PCDH15: variants seen among roughly 807,000 people sequenced by gnomAD.
The protein encoded by PCDH15 is protocadherin related 15, also known as protocadherin-15.
Under a neutral mutation model 178.5 loss-of-function variants are expected in PCDH15, and 129 were observed. The observed-to-expected ratio is 0.72, with a 90% CI of 0.63 to 0.84. PCDH15 has a LOEUF of 0.84. Among genes scored for constraint, PCDH15 ranks in the 40% least tolerant of loss-of-function variants. PCDH15 has a pLI of 0.00. For synonymous variants in PCDH15, 800 were observed against 732.0 expected (o/e 1.09, Z -1.50); for missense variants, 2,230 against 2,099.9 (o/e 1.06, Z -1.21).
At chr10:54,947,757 A>G (rs1297221036) in intron 2 of PCDH15, among the ~76,000 whole-genome samples, 1 of 151,978 alleles carries the variant, frequency 6.6e-6, no homozygotes, top group African/African-American at 2.4e-5. Flanking sequence ...TGCTAGGAAC[A>G]TGAGAGTCAT....
rs11004490 is a variant in PCDH15, at chr10:54,720,400, A to G, written c.-28-56110T>C. On this transcript the variant is annotated intron_variant, in intron 1 of 37. Transcript: ENST00000644397. Reference sequence around the variant, plus strand: ...TCAAAGTGGAAAAAAAAATCCTAAAATCAGCAAGAGAGAAGCATCTAATCA... The same window carrying G: ...TCAAAGTGGAAAAAAAAATCCTAAAGTCAGCAAGAGAGAAGCATCTAATCA... Among the ~76,000 whole-genome samples, 1,397 of 152,150 alleles carry G rather than the reference A, an allele frequency of 9.2e-3. 21 individuals are homozygous for G. The highest frequency in any genetic ancestry group is 0.054 in the East Asian group (278 of 5,150).
At chr10:54,895,303 A>C (rs887479050) in intron 3 of PCDH15, among the ~76,000 whole-genome samples, 1 of 152,112 alleles carries the variant, frequency 6.6e-6, no homozygotes, top group African/African-American at 2.4e-5. Flanking sequence ...TCTACAGATC[A>C]TTCCTAGCCT....
Position 54,936,592 on chromosome 10 carries a change from T to G in PCDH15, c.-79-39092A>C, listed in dbSNP as rs545657617. ...CATCACCCTAATGAATGCAAAAATA[T>G]ATATTACTGTGAATTTAATTTTCTC... On this transcript the variant is annotated intron_variant, in intron 2 of 5. Transcript: ENST00000458638. Among the ~76,000 whole-genome samples, 53 of 152,108 alleles carry G rather than the reference T, an allele frequency of 3.5e-4. 1 individual carries two copies. Among genetic ancestry groups the G allele is most frequent in the African/African-American group, 1.2e-3 (49 of 41,562 alleles).
rs373837234 is a variant in PCDH15, at chr10:53,810,572, T to A, written c.4655A>T (p.Glu1552Val). 2.5e-6 allele frequency: 4 copies of A among 1,612,492 alleles called. No homozygotes were observed. Among genetic ancestry groups the A allele is most frequent in the Non-Finnish European group, 3.4e-6 (4 of 1,179,736 alleles). Residue 1552 changes from glutamate (E) to valine (V), a missense_variant, in exon 37 of 38, where the codon GAA becomes GTA. Coordinates refer to ENST00000644397, the MANE Select transcript of PCDH15 (RefSeq NM_001384140.1). ...YGEVVGEAEE[E>V]YEEEEWARKR... The stretch of plus-strand genomic sequence containing the variant: ...AGTAATTACCTCTTCCTCCTCATAT[T>A]CTTCCTCAGCTTCACCAACCACCTC...
At chr10:54,479,401 C>T (rs754598739) in intron 3 of PCDH15, among the ~76,000 whole-genome samples, 22 of 151,874 alleles carry the variant, frequency 1.4e-4, no homozygotes, top group East Asian at 5.8e-4. Flanking sequence ...ATATTGAATA[C>T]GTAATTTAAT....
chr10:54,315,287 A>T (rs1483287027), intron 8 of PCDH15, among the ~76,000 whole-genome samples: 7 of 152,210 alleles, frequency 4.6e-5, no homozygotes, highest in African/African-American at 1.7e-4. Flanking sequence ...TCTAACGATT[A>T]GTGACATTTA....
rs1245040010 is a variant in PCDH15 at position 54,532,908 on chromosome 10, A to G, written c.92-5031T>C. ...ACATGCTAGGTTCATTGGCATGGCTACATGGTACCAGTGTGAGTGAGTGTG... is the reference window on the plus strand; with the variant it reads ...ACATGCTAGGTTCATTGGCATGGCTGCATGGTACCAGTGTGAGTGAGTGTG... On this transcript the variant is annotated intron_variant, in intron 2 of 37. Transcript: ENST00000644397. 2.6e-5 allele frequency among the ~76,000 whole-genome samples: 4 copies of G among 152,044 alleles called. No homozygotes were observed. The East Asian group carries it at 7.8e-4, about 29-fold the overall frequency.
chr10:54,036,657 T>A (rs1213973921), intron 18 of PCDH15, among the ~76,000 whole-genome samples: 1 of 151,876 alleles, frequency 6.6e-6, no homozygotes, highest in African/African-American at 2.4e-5. Context: ...CTGATGGAGA[T>A]GTAAAAGGAC....
intron 15 of PCDH15, among the ~76,000 whole-genome samples, chr10:54,094,372 AG>A (rs2094659003): frequency 6.6e-6 from 1 of 152,200 alleles, no homozygotes; most frequent in Non-Finnish European, 1.5e-5. Flanking sequence ...GAGCAGGGTG[AG>A]GATTTACACT....
intron 14 of PCDH15, among the ~76,000 whole-genome samples, chr10:54,147,400 C>T (rs1018315792): frequency 2.0e-5 from 3 of 151,702 alleles, no homozygotes; most frequent in East Asian, 1.9e-4. Flanking sequence ...TGTTTTCTGG[C>T]GTGGAATACA....
intron 1 of PCDH15, among the ~76,000 whole-genome samples, chr10:54,776,967 GTTTTC>G (rs1219852064): frequency 6.6e-6 from 1 of 152,028 alleles, no homozygotes; most frequent in Non-Finnish European, 1.5e-5. Context: ...TAAAAGAAAT[GTTTTC>G]TTTTATTATG....
intron 2 of PCDH15, among the ~76,000 whole-genome samples, chr10:55,425,307 T>A (rs951419756): frequency 6.6e-6 from 1 of 151,960 alleles, no homozygotes; most frequent in Non-Finnish European, 1.5e-5. Flanking sequence ...TGCTGCAGAA[T>A]AGGAAAATTT....
intron 3 of PCDH15, among the ~76,000 whole-genome samples, chr10:54,393,470 C>T (rs1235344222): frequency 3.9e-5 from 6 of 152,048 alleles, no homozygotes; most frequent in Non-Finnish European, 1.5e-5. Context: ...ACAGTAAAAA[C>T]TGAACTAAAT....
intron 2 of PCDH15, among the ~76,000 whole-genome samples, chr10:55,370,859 A>G (rs957647162): frequency 6.6e-6 from 1 of 152,108 alleles, no homozygotes; most frequent in Admixed American, 6.6e-5. Context: ...ATTACTTCTC[A>G]TGCCAAACAT....
At chr10:53,838,030 G>A (rs1589024132) in intron 29 of PCDH15, among the ~76,000 whole-genome samples, 1 of 151,550 alleles carries the variant, frequency 6.6e-6, no homozygotes, top group East Asian at 2.0e-4. Flanking sequence ...AGGATGGAGT[G>A]CAGTGGCATG....
At chr10:54,971,549 T>C (rs1394651160) in intron 2 of PCDH15, among the ~76,000 whole-genome samples, 1 of 152,198 alleles carries the variant, frequency 6.6e-6, no homozygotes, top group Non-Finnish European at 1.5e-5. Flanking sequence ...TAAACAAAGA[T>C]GGCAGTACAA....
chr10:54,093,615 GT>G (rs1196336178), intron 15 of PCDH15, among the ~76,000 whole-genome samples: 2 of 152,058 alleles, frequency 1.3e-5, no homozygotes, highest in East Asian at 3.9e-4. Context: ...ATATTTAAAT[GT>G]TTTCTATATA....
chr10:55,587,831 C>T (rs1179232474), intron 2 of PCDH15, among the ~76,000 whole-genome samples: 2 of 152,040 alleles, frequency 1.3e-5, no homozygotes, highest in Non-Finnish European at 2.9e-5. Context: ...TTCCTTGAGG[C>T]CTGGGTCTGA....
chr10:55,288,080 TTA>T lies in PCDH15; in HGVS notation c.-156+31517_-156+31518del, dbSNP rs747096681. ...CGATACTTAATATATATATATTAATTTATATATATATGTGTAAGATTTTCTCT... is the reference window on the plus strand; with the variant it reads ...CGATACTTAATATATATATATTAATTTATATATATGTGTAAGATTTTCTCT... On this transcript the variant is annotated intron_variant, in intron 1 of 5. Transcript: ENST00000458638. 1.1e-4 allele frequency among the ~76,000 whole-genome samples: 17 copies of T among 149,982 alleles called. No homozygotes were observed. The East Asian group carries it at 1.2e-3, about 10-fold the overall frequency.
Sources: allele counts gnomAD v4.1 joint callset (sites outside exome capture counted in the v4.1 genomes callset), GRCh38; gene constraint gnomAD v4.1.1; transcripts MANE v1.5; gene names NCBI Gene and HGNC (gene_info 2026-07-23, HGNC 2026-07-21).